Variants in ARHGAP15 observed in about 807,000 individuals in gnomAD.
The protein encoded by ARHGAP15 is rho GTPase-activating protein 15.
Under a neutral mutation model 63.7 loss-of-function variants are expected in ARHGAP15, and 51 were observed. The ratio of observed to expected loss-of-function variants is 0.80; its 90% CI spans 0.64 to 1.01. The LOEUF (loss-of-function observed/expected upper bound fraction) is 1.01. Among genes scored for constraint, ARHGAP15 ranks in the 50% least tolerant of loss-of-function variants. ARHGAP15 has a pLI of 0.00. For synonymous variants in ARHGAP15, 191 were observed against 193.8 expected, an observed-to-expected ratio of 0.99 and a Z score of 0.12; for missense variants, 560 against 564.6, an observed-to-expected ratio of 0.99 and a Z score of 0.08.
At chr2:143,736,853 T>C (rs1685765254) in intron 13 of ARHGAP15, among the ~76,000 whole-genome samples, 1 of 152,178 alleles carries the variant, frequency 6.6e-6, no homozygotes, top group African/African-American at 2.4e-5. Flanking sequence ...CCAACATCTA[T>C]CATGATAAAT....
chr2:143,186,545 C>G (rs1028395195), intron 2 of ARHGAP15, among the ~76,000 whole-genome samples: 1 of 152,130 alleles, frequency 6.6e-6, no homozygotes, highest in South Asian at 2.1e-4. Context: ...TTTCAAATCC[C>G]TGTCTCCAAA....
chr2:143,328,869 C>CTT (rs1684377241), intron 6 of ARHGAP15, among the ~76,000 whole-genome samples: 1 of 152,136 alleles, frequency 6.6e-6, no homozygotes, highest in Non-Finnish European at 1.5e-5. Context: ...ATGATAAATG[C>CTT]TTGAGGTAAA....
At chr2:143,390,887 C>G (rs1687511231) in intron 6 of ARHGAP15, among the ~76,000 whole-genome samples, 1 of 152,152 alleles carries the variant, frequency 6.6e-6, no homozygotes, top group African/African-American at 2.4e-5. Flanking sequence ...TGCCAAAGTT[C>G]CTTGTTATCA....
chr2:143,346,172 A>ACTCTCTCACACACACACT (rs1685266286), intron 6 of ARHGAP15, among the ~76,000 whole-genome samples: 1 of 138,828 alleles, frequency 7.2e-6, no homozygotes, highest in African/African-American at 2.6e-5. Flanking sequence ...ACACACACAC[A>ACTCTCTCACACACACACT]CTCTCTCTCT....
intron 2 of ARHGAP15, among the ~76,000 whole-genome samples, chr2:143,197,898 C>T (rs1372412641): frequency 6.6e-6 from 1 of 151,792 alleles, no homozygotes; most frequent in Admixed American, 6.6e-5. Context: ...TAAATTCTAC[C>T]TTAGAAATAT....
At chr2:143,673,007 G>A (rs1304154265) in intron 12 of ARHGAP15, among the ~76,000 whole-genome samples, 1 of 151,982 alleles carries the variant, frequency 6.6e-6, no homozygotes, top group African/African-American at 2.4e-5. Flanking sequence ...CAATATAAGA[G>A]GCATTAAGAA....
intron 11 of ARHGAP15, among the ~76,000 whole-genome samples, chr2:143,581,598 T>C (rs1228787785): frequency 2.0e-5 from 3 of 152,302 alleles, no homozygotes; most frequent in Admixed American, 1.3e-4. Context: ...AGAGCTTGAA[T>C]TCCCTAATAG....
chr2:143,602,973 C>T (rs190396999), intron 11 of ARHGAP15, among the ~76,000 whole-genome samples: 1 of 152,148 alleles, frequency 6.6e-6, no homozygotes, highest in Non-Finnish European at 1.5e-5. Flanking sequence ...CTAATCTTGC[C>T]TATTTCAGCA....
At chr2:143,293,107 G>A (rs1682481880) in intron 6 of ARHGAP15, among the ~76,000 whole-genome samples, 1 of 152,008 alleles carries the variant, frequency 6.6e-6, no homozygotes. Flanking sequence ...AGTGTCTAAA[G>A]TCTTTTGTTA....
chr2:143,483,358 G>A (rs900207970), intron 8 of ARHGAP15, among the ~76,000 whole-genome samples: 1 of 151,962 alleles, frequency 6.6e-6, no homozygotes, highest in South Asian at 2.1e-4. Context: ...TAATGGCATC[G>A]TTTTTACTAG....
chr2:143,220,473 C>T (rs1324561294), intron 4 of ARHGAP15, among the ~76,000 whole-genome samples: 3 of 152,144 alleles, frequency 2.0e-5, no homozygotes, highest in African/African-American at 7.2e-5. Flanking sequence ...GGCCTCACAA[C>T]GTATTGGGAT....
chr2:143,406,924 G>C (rs953783539), intron 6 of ARHGAP15, among the ~76,000 whole-genome samples: 4 of 151,898 alleles, frequency 2.6e-5, no homozygotes, highest in Non-Finnish European at 5.9e-5. Flanking sequence ...GGGGATGAAA[G>C]TTGTACAGGA....
chr2:143,587,790 G>A (rs1697167244), intron 11 of ARHGAP15: 1 of 468,148 alleles, frequency 2.1e-6, no homozygotes, highest in African/African-American at 2.0e-5. Context: ...TCCAGAGCAA[G>A]CCAATAATTT....
intron 6 of ARHGAP15, among the ~76,000 whole-genome samples, chr2:143,409,893 G>GCATTT (rs1356599997): frequency 6.6e-6 from 1 of 152,062 alleles, no homozygotes; most frequent in Admixed American, 6.5e-5. Flanking sequence ...GTGTAATGGT[G>GCATTT]CATTTCTCAG....
At chr2:143,231,489 C>G (rs546894570) in intron 5 of ARHGAP15, among the ~76,000 whole-genome samples, 3 of 152,328 alleles carry the variant, frequency 2.0e-5, no homozygotes, top group South Asian at 2.1e-4. Context: ...CCATTTAGGG[C>G]TCTAGATGTT....
intron 7 of ARHGAP15, among the ~76,000 whole-genome samples, chr2:143,436,710 T>A (rs979107858): frequency 2.6e-5 from 4 of 152,206 alleles, no homozygotes; most frequent in Non-Finnish European, 5.9e-5. Context: ...AACTAATGCA[T>A]GAATAGTGCT....
At chr2:143,228,748 A>C in intron 5 of ARHGAP15, 80 bp downstream of exon 5, 1 of 1,031,956 alleles carries the variant, frequency 9.7e-7, no homozygotes, top group East Asian at 2.8e-5. Flanking sequence ...ATCAGAAATC[A>C]CACTAAAACC....
chr2:143,214,849 T>C (rs1160484621), intron 3 of ARHGAP15, among the ~76,000 whole-genome samples: 1 of 152,176 alleles, frequency 6.6e-6, no homozygotes, highest in Admixed American at 6.5e-5. Context: ...ACCAGTGAGA[T>C]TTTAGTTATT....
chr2:143,298,266 G>GA (rs1429723954), intron 6 of ARHGAP15, among the ~76,000 whole-genome samples: 3 of 151,858 alleles, frequency 2.0e-5, no homozygotes, highest in South Asian at 2.1e-4. Flanking sequence ...TTCCCATGTG[G>GA]AAAAAATGGT....
Sources: allele counts gnomAD v4.1 joint callset (sites outside exome capture counted in the v4.1 genomes callset), GRCh38; gene constraint gnomAD v4.1.1; transcripts MANE v1.5; gene names NCBI Gene and HGNC (gene_info 2026-07-23, HGNC 2026-07-21).